The following RBFOX3 variants were observed in gnomAD, a reference collection of about 807,000 sequenced individuals.
The protein encoded by RBFOX3 is RNA binding fox-1 homolog 3, also known as RNA binding protein fox-1 homolog 3.
In RBFOX3, 17 loss-of-function variants were observed where a neutral mutation model predicts 48.7. That is an observed-to-expected ratio of 0.35 (90% CI 0.24 to 0.52). The LOEUF (loss-of-function observed/expected upper bound fraction) is 0.52. Ranked by LOEUF, RBFOX3 falls within the 20% of genes least tolerant of loss-of-function variation. The probability of loss-of-function intolerance (pLI) is 0.94; values close to 1 mark genes in which losing one functional copy is unlikely to be tolerated. For missense variants in RBFOX3, 382 were observed against 497.5 expected (o/e 0.77, Z 2.21); for synonymous variants, 212 against 209.5 (o/e 1.01, Z -0.10).
intron 4 of RBFOX3, among the ~76,000 whole-genome samples, chr17:79,139,711 G>A (rs1310968977): frequency 4.6e-5 from 7 of 152,122 alleles, no homozygotes; most frequent in African/African-American, 7.2e-5. Context: ...CACCAACCGC[G>A]AAAAAGGAGA....
At chr17:79,232,462 A>C (rs2061148454) in intron 4 of RBFOX3, among the ~76,000 whole-genome samples, 1 of 152,232 alleles carries the variant, frequency 6.6e-6, no homozygotes, top group African/African-American at 2.4e-5. Context: ...CAGAATATCA[A>C]ACCCAGACAT....
At chr17:79,282,616 C>T (rs1255926224) in intron 3 of RBFOX3, among the ~76,000 whole-genome samples, 2 of 152,188 alleles carry the variant, frequency 1.3e-5, no homozygotes, top group East Asian at 1.9e-4. Context: ...GCTGCAGGGC[C>T]GGCCGCTGAC....
intron 1 of RBFOX3, among the ~76,000 whole-genome samples, chr17:79,576,427 T>G (rs1462947315): frequency 6.6e-6 from 1 of 151,492 alleles, no homozygotes; most frequent in African/African-American, 2.4e-5. Flanking sequence ...ATGGAGATGA[T>G]GAAGAAGACG....
intron 2 of RBFOX3, among the ~76,000 whole-genome samples, chr17:79,412,291 T>G (rs1001385178): frequency 2.6e-4 from 39 of 151,434 alleles, no homozygotes; most frequent in African/African-American, 9.5e-4. Flanking sequence ...TATGAACATG[T>G]GTGTATGTAT....
rs2066482981 is a variant in RBFOX3 at position 79,421,991 on chromosome 17, G to A, written c.-175+60463C>T. On this transcript the variant is annotated intron_variant, in intron 2 of 14. Transcript: ENST00000693108. The surrounding 1 kb of genome is among the most constrained non-coding windows in gnomAD (Gnocchi z 4.5). ...TGCTGCCCGGACGAGATGAGGAGGG[G>A]GACTTGCCGGCTGCTGGCTTCCAGC... is the stretch of plus-strand genomic sequence containing the variant. Among the ~76,000 whole-genome samples, 1 of 152,120 alleles carries A rather than the reference G, an allele frequency of 6.6e-6. No homozygotes were observed. The highest frequency in any genetic ancestry group is 2.4e-5 in the African/African-American group (1 of 41,416).
chr17:79,125,305 CCCA>C (rs2036909230), intron 4 of RBFOX3, among the ~76,000 whole-genome samples: 1 of 152,164 alleles, frequency 6.6e-6, no homozygotes, highest in Non-Finnish European at 1.5e-5. Context: ...GTGCACTAGC[CCCA>C]CCACCACTTT....
chr17:79,175,966 C>T (rs749870795), intron 4 of RBFOX3, among the ~76,000 whole-genome samples: 4 of 152,168 alleles, frequency 2.6e-5, no homozygotes, highest in Admixed American at 6.5e-5. Flanking sequence ...CAGCCAGTGC[C>T]GGGGAGATGT....
intron 2 of RBFOX3, among the ~76,000 whole-genome samples, chr17:79,393,555 G>A (rs995811665): frequency 2.1e-4 from 32 of 152,340 alleles, no homozygotes; most frequent in African/African-American, 6.5e-4. Context: ...GATGCTGAGC[G>A]GGTCATCACA....
intron 3 of RBFOX3, among the ~76,000 whole-genome samples, chr17:79,290,096 G>A (rs2072935181): frequency 6.6e-6 from 1 of 152,054 alleles, no homozygotes; most frequent in Non-Finnish European, 1.5e-5. Context: ...GAAGCTCCTT[G>A]GAGGGCAGGC....
chr17:79,356,850 G>C (rs1190561383), intron 2 of RBFOX3, among the ~76,000 whole-genome samples: 1 of 152,194 alleles, frequency 6.6e-6, no homozygotes, highest in Non-Finnish European at 1.5e-5. Context: ...TGTCAAAAGT[G>C]CAGCCGGGCC....
At chr17:79,261,561 AG>A (rs1374099533) in intron 3 of RBFOX3, among the ~76,000 whole-genome samples, 1 of 152,136 alleles carries the variant, frequency 6.6e-6, no homozygotes, top group Non-Finnish European at 1.5e-5. Context: ...GATTCCCTGG[AG>A]GGCTCTCCAC....
At chr17:79,355,584 C>CT (rs571778311) in intron 2 of RBFOX3, among the ~76,000 whole-genome samples, 1,772 of 146,740 alleles carry the variant, frequency 0.012, 29 homozygotes, top group African/African-American at 0.04. Flanking sequence ...GAATTAATTG[C>CT]TTTTTTTTTT....
intron 4 of RBFOX3, among the ~76,000 whole-genome samples, chr17:79,168,756 C>T (rs2048535650): frequency 6.6e-6 from 1 of 152,250 alleles, no homozygotes; most frequent in South Asian, 2.1e-4. Context: ...TCTCCTCTGT[C>T]AGCCAGTGTG....
At chr17:79,640,962 C>T in the RBFOX3 span, among the ~76,000 whole-genome samples, 1 of 152,034 alleles carries the variant, frequency 6.6e-6, no homozygotes, top group African/African-American at 2.4e-5. Flanking sequence ...GAGATTGCAT[C>T]AAACTAAAAA....
At chr17:79,629,356 C>A in the RBFOX3 span, among the ~76,000 whole-genome samples, 1 of 152,166 alleles carries the variant, frequency 6.6e-6, no homozygotes, top group East Asian at 1.9e-4. Flanking sequence ...AGAGGCCACT[C>A]ACAAAAGAAG....
chr17:79,293,900 G>T (rs1484518669), intron 3 of RBFOX3, among the ~76,000 whole-genome samples: 1 of 152,210 alleles, frequency 6.6e-6, no homozygotes, highest in East Asian at 1.9e-4. Flanking sequence ...TTCTGGTTAG[G>T]ATTTAAGCCC....
chr17:79,617,816 C>G, the RBFOX3 span, among the ~76,000 whole-genome samples: 4 of 152,240 alleles, frequency 2.6e-5, no homozygotes, highest in Admixed American at 2.6e-4. Flanking sequence ...CACTGAGGCC[C>G]AGAATGTCCC....
chr17:79,097,556 C>T, intron 10 of RBFOX3, 132 bp from the exon 11 acceptor site: 1 of 1,337,752 alleles, frequency 7.5e-7, no homozygotes, highest in South Asian at 1.5e-5. Flanking sequence ...CGGAGCGCTA[C>T]TCAGTCAACA....
At chr17:79,420,128 T>TACACACACACACACACACACACAC (rs58282867) in intron 2 of RBFOX3, among the ~76,000 whole-genome samples, 5 of 114,274 alleles carry the variant, frequency 4.4e-5, no homozygotes, top group African/African-American at 1.8e-4. Context: ...CTCCGTCTCA[T>TACACACACACACACACACACACAC]ACACACACAC....
Sources: allele counts gnomAD v4.1 joint callset (sites outside exome capture counted in the v4.1 genomes callset), GRCh38; gene constraint gnomAD v4.1.1; non-coding constraint Gnocchi (gnomAD v3.1); transcripts MANE v1.5; gene names NCBI Gene and HGNC (gene_info 2026-07-23, HGNC 2026-07-21).